GALNT14: variants seen among roughly 807,000 people sequenced by gnomAD.
GALNT14 encodes the protein polypeptide N-acetylgalactosaminyltransferase 14, also known as UDP-GalNAc:polypeptide N-acetylgalactosaminyltransferase 14.
In GALNT14, 60 loss-of-function variants were observed where a neutral mutation model predicts 77.5. The ratio of observed to expected loss-of-function variants is 0.77; its 90% CI spans 0.63 to 0.96. The LOEUF (loss-of-function observed/expected upper bound fraction) is 0.96. Among genes scored for constraint, GALNT14 ranks in the 40% least tolerant of loss-of-function variants. The pLI is 0.00. For synonymous variants in GALNT14, 280 were observed against 281.7 expected (o/e 0.99, Z 0.06); for missense variants, 710 against 731.0 (o/e 0.97, Z 0.33).
chr2:30,994,648 C>T (rs1357234259), intron 1 of GALNT14, among the ~76,000 whole-genome samples: 1 of 152,158 alleles, frequency 6.6e-6, no homozygotes, highest in African/African-American at 2.4e-5. Context: ...TGCAATGTCA[C>T]AGCCTGATAG....
At chr2:31,069,941 T>C (rs1281087235) in intron 1 of GALNT14, among the ~76,000 whole-genome samples, 1 of 152,028 alleles carries the variant, frequency 6.6e-6, no homozygotes, top group Non-Finnish European at 1.5e-5. Flanking sequence ...AGGAAAGAAA[T>C]GCATCAAAGC....
chr2:30,896,861 T>C, the GALNT14 span, among the ~76,000 whole-genome samples: 1 of 151,784 alleles, frequency 6.6e-6, no homozygotes, highest in African/African-American at 2.4e-5. Flanking sequence ...AGCCATTGTC[T>C]ATTTTTTTTG....
At chr2:30,899,572 T>TG in the GALNT14 span, among the ~76,000 whole-genome samples, 1 of 142,676 alleles carries the variant, frequency 7.0e-6, no homozygotes, top group African/African-American at 3.0e-5. Flanking sequence ...CACCCAAGGT[T>TG]TTTTTTTTTT....
At chr2:31,099,586 G>T in intron 1 of GALNT14, among the ~76,000 whole-genome samples, 1 of 152,034 alleles carries the variant, frequency 6.6e-6, no homozygotes, top group Non-Finnish European at 1.5e-5. Flanking sequence ...TACATGGTGT[G>T]AGGTATGGAT....
At chr2:31,091,228 T>C (rs1281652030) in intron 1 of GALNT14, among the ~76,000 whole-genome samples, 1 of 152,222 alleles carries the variant, frequency 6.6e-6, no homozygotes, top group African/African-American at 2.4e-5. Context: ...CATTTTTAAA[T>C]GGTTGAAAAA....
chr2:30,971,166 C>T (rs1456916121), intron 2 of GALNT14, among the ~76,000 whole-genome samples: 4 of 152,078 alleles, frequency 2.6e-5, no homozygotes, highest in Non-Finnish European at 1.5e-5. Flanking sequence ...TGAGGAGAGT[C>T]GGCCCAGACA....
chr2:30,947,177 C>T (rs1270417018), intron 6 of GALNT14, among the ~76,000 whole-genome samples: 1 of 152,174 alleles, frequency 6.6e-6, no homozygotes, highest in Non-Finnish European at 1.5e-5. Flanking sequence ...CACTCTATCT[C>T]CTGCTCTTCT....
rs371678657 is a variant in GALNT14, at chr2:31,062,906, G to T, written c.130-69899C>A. Reference sequence around the variant, plus strand: ...TATTCTTCACCCACTTTTTGATAGGGTTGTTTGGTTTTACTCTTGTAAATT... The same window carrying T: ...TATTCTTCACCCACTTTTTGATAGGTTTGTTTGGTTTTACTCTTGTAAATT... On this transcript the variant is annotated intron_variant, in intron 1 of 14. Coordinates refer to ENST00000349752, the MANE Select transcript of GALNT14 (RefSeq NM_024572.4). Among the ~76,000 whole-genome samples, 8 of 152,208 alleles carry T rather than the reference G, an allele frequency of 5.3e-5. No individual in the cohort carries two copies. In the East Asian group the frequency reaches 1.5e-3, roughly 29 times the overall value.
At chr2:31,003,870 G>A (rs995087868) in intron 1 of GALNT14, among the ~76,000 whole-genome samples, 1 of 152,244 alleles carries the variant, frequency 6.6e-6, no homozygotes, top group Non-Finnish European at 1.5e-5. Context: ...CGAGAAGGAG[G>A]TGCCAGGGAA....
intron 9 of GALNT14, among the ~76,000 whole-genome samples, chr2:30,932,433 C>G (rs540150929): frequency 2.0e-5 from 3 of 152,344 alleles, no homozygotes; most frequent in South Asian, 4.1e-4. Flanking sequence ...ACGCTGGCCT[C>G]TGGAGCATAT....
At chr2:30,904,989 C>T in the GALNT14 span, among the ~76,000 whole-genome samples, 8 of 152,070 alleles carry the variant, frequency 5.3e-5, no homozygotes, top group Non-Finnish European at 8.8e-5. Flanking sequence ...AACAGACCTG[C>T]AGCTGAGGGT....
In GALNT14 at chr2:30,978,705, C is replaced by T. The variant is rs76209419; in HGVS notation, c.300-12403G>A. ...TTTTCAGTAGCTTGAGAAGGAATCA[C>T]GAGGTGCGCTTTGGGCCCCTATTCA... On this transcript the variant is annotated intron_variant, in intron 2 of 14. Transcript: ENST00000349752. Among the ~76,000 whole-genome samples, 452 of 152,282 alleles carry T rather than the reference C, an allele frequency of 3.0e-3. 3 individuals are homozygous for T. The highest frequency in any genetic ancestry group is 0.011 in the African/African-American group (440 of 41,566).
the GALNT14 span, among the ~76,000 whole-genome samples, chr2:30,887,334 C>T: frequency 4.2e-4 from 64 of 152,278 alleles, no homozygotes; most frequent in Non-Finnish European, 5.6e-4. Flanking sequence ...TACACTCCTA[C>T]CAGCAATGTG....
intron 1 of GALNT14, chr2:31,125,336 C>T: frequency 1.0e-6 from 1 of 1,000,108 alleles, no homozygotes; most frequent in Non-Finnish European, 1.5e-6. Flanking sequence ...AGATCTTACC[C>T]CTCACAAAGA....
intron 8 of GALNT14, 121 bp from the exon 9 acceptor site, chr2:30,942,425 G>A: frequency 1.5e-6 from 1 of 672,008 alleles, no homozygotes; most frequent in Non-Finnish European, 2.6e-6. Context: ...CCCCATTGAG[G>A]GAAGAAAACT....
chr2:31,130,609 C>T (rs1002141344), intron 1 of GALNT14, among the ~76,000 whole-genome samples: 1 of 152,160 alleles, frequency 6.6e-6, no homozygotes, highest in African/African-American at 2.4e-5. Context: ...CCTGGGATGG[C>T]AGCAGCCACT....
chr2:30,899,721 T>C, the GALNT14 span, among the ~76,000 whole-genome samples: 1 of 152,218 alleles, frequency 6.6e-6, no homozygotes, highest in African/African-American at 2.4e-5. Flanking sequence ...GCCCTGAGGT[T>C]TGCACTGTGA....
intron 2 of GALNT14, among the ~76,000 whole-genome samples, chr2:30,971,359 T>G (rs1030008039): frequency 6.6e-6 from 1 of 151,860 alleles, no homozygotes; most frequent in African/African-American, 2.4e-5. Context: ...GCGGGAAAGA[T>G]TGGGGGCGGG....
intron 3 of GALNT14, among the ~76,000 whole-genome samples, chr2:30,961,547 T>C (rs1667691165): frequency 2.0e-5 from 3 of 152,210 alleles, no homozygotes; most frequent in African/African-American, 7.2e-5. Flanking sequence ...TTGATATTAA[T>C]AATATTGAAG....
Sources: gnomAD v4.1 joint callset for allele counts (sites outside exome capture counted in the v4.1 genomes callset) on GRCh38, gnomAD v4.1.1 for gene constraint, MANE v1.5 for transcripts, NCBI Gene and HGNC (gene_info 2026-07-23, HGNC 2026-07-21) for gene names.